The following VCAM1 variants were observed in gnomAD, a reference collection of about 807,000 sequenced individuals.
The protein encoded by VCAM1 is vascular cell adhesion molecule 1.
VCAM1 carries 41 observed loss-of-function variants against 63.8 expected under a neutral mutation model. The ratio of observed to expected loss-of-function variants is 0.64; its 90% CI spans 0.50 to 0.83. The LOEUF (loss-of-function observed/expected upper bound fraction) is 0.83, where lower values mean the gene tolerates loss of function less well. Among genes scored for constraint, VCAM1 ranks in the 40% least tolerant of loss-of-function variants. VCAM1 has a pLI of 0.00. For missense variants in VCAM1, 798 were observed against 875.5 expected (o/e 0.91, Z 1.12); for synonymous variants, 338 against 320.7 (o/e 1.05, Z -0.58).
intron 4 of VCAM1, among the ~76,000 whole-genome samples, chr1:100,727,115 A>G (rs1348455800): frequency 4.6e-5 from 7 of 151,654 alleles, no homozygotes; most frequent in Non-Finnish European, 1.5e-5. Context: ...CTAACACATA[A>G]TAAATGTTCA....
At position 100,720,703 on chromosome 1, in the gene VCAM1, A is replaced by G. The variant is rs1659927456; in HGVS notation, c.292A>G (p.Thr98Ala). 6.2e-7 allele frequency: 1 copy of G among 1,612,816 alleles called. No individual in the cohort carries two copies. The highest frequency in any genetic ancestry group is 1.1e-5 in the South Asian group (1 of 90,968). The stretch of plus-strand genomic sequence containing the variant: ...CGAACACTCTTACCTGTGCACAGCA[A>G]CTTGTGAATCTAGGAAATTGGAAAA... ...GNEHSYLCTATCESRKLEKGI... is the reference protein window; with the variant it reads ...GNEHSYLCTAACESRKLEKGI... The change falls in exon 2 of 9, where the codon ACT becomes GCT. Residue 98 changes from threonine to alanine, a missense_variant. By Grantham distance (58) the Thr-to-Ala change is moderately conservative. Coordinates refer to ENST00000294728, the MANE Select transcript of VCAM1 (RefSeq NM_001078.4).
rs545204409 is a variant in VCAM1 at position 100,731,463 on chromosome 1, T to A, written c.1470T>A (p.Asp490Glu). The change falls in exon 6 of 9, where the codon GAT becomes GAA. Residue 490 changes from aspartate to glutamate, a missense_variant. Transcript: ENST00000294728. This position sits in a 1 kb window ranked among gnomAD's most constrained non-coding sequence, Gnocchi z 4.2. ...ALVCQAKLHI[D>E]DMEFEPKQRQ... Reference sequence around the variant, plus strand: ...TTTGTCAGGCTAAGTTACATATTGATGACATGGAATTCGAACCCAAACAAA... The same window carrying A: ...TTTGTCAGGCTAAGTTACATATTGAAGACATGGAATTCGAACCCAAACAAA... 5.0e-6 allele frequency: 8 copies of A among 1,613,572 alleles called. No homozygotes were observed. The highest frequency in any genetic ancestry group is 6.8e-6 in the Non-Finnish European group (8 of 1,179,824).
At position 100,731,211 on chromosome 1, in the gene VCAM1, T is replaced by C; in HGVS notation, c.1218T>C (p.Asp406=). The change falls in exon 6 of 9, where the codon GAT becomes GAC. Residue 406 remains aspartate (D), a synonymous_variant. Coordinates refer to ENST00000294728, the MANE Select transcript of VCAM1 (RefSeq NM_001078.4). The surrounding 1 kb of genome is among the most constrained non-coding windows in gnomAD (Gnocchi z 4.2). ...TGCGATTTGCAGCATTCCCTAGAGA[T>C]CCAGAAATCGAGATGAGTGGTGGCC... ...IQVELYSFPR[D]PEIEMSGGLV... 2 of 1,602,438 alleles carry C rather than the reference T, an allele frequency of 1.2e-6. No homozygotes were observed. Among genetic ancestry groups the C allele is most frequent in the Middle Eastern group, 1.7e-4 (1 of 5,992 alleles).
In VCAM1 at chr1:100,738,458, T is replaced by C. The variant is rs971846346; in HGVS notation, c.*175T>C. The C allele has an allele frequency of 3.2e-6, 2 of 616,188 alleles. No homozygotes were observed. Among genetic ancestry groups the C allele is most frequent in the Non-Finnish European group, 5.2e-6 (2 of 387,004 alleles). The allele number at this position is 616,188 out of a possible 1,614,324, so 38.2% of individuals were successfully genotyped here. A position where few individuals can be genotyped will look rare whatever the true frequency, so the allele number is the denominator to read the frequency against. ...TGTGAGCAAGAAGTCAAAGTAAAACTTGCTGCCTGAAGAACAGTAACTGCC... is the reference window on the plus strand; with the variant it reads ...TGTGAGCAAGAAGTCAAAGTAAAACCTGCTGCCTGAAGAACAGTAACTGCC... On this transcript the variant is annotated 3_prime_UTR_variant, in exon 9 of 9. Transcript: ENST00000294728.
intron 1 of VCAM1, 57 bp from the exon 2 acceptor site, chr1:100,720,418 AG>A: frequency 1.3e-6 from 2 of 1,553,102 alleles, no homozygotes; most frequent in Non-Finnish European, 1.7e-6. Context: ...GAGAAGAAGG[AG>A]GAGAATACTA....
Position 100,719,794 on chromosome 1 carries a change from C to A in VCAM1, c.-67C>A. 6.5e-7 allele frequency: 1 copy of A among 1,542,508 alleles called. No homozygotes were observed. The highest frequency in any genetic ancestry group is 8.9e-7 in the Non-Finnish European group (1 of 1,124,768). On this transcript the variant is annotated 5_prime_UTR_variant, in exon 1 of 9. Transcript: ENST00000294728. ...TTCAGGAGCTGAATACCCTCCCAGG[C>A]ACACACAGGTGGGACACAAATAAGG...
In VCAM1 at chr1:100,732,601, A is replaced by C. The variant is rs1308634082; in HGVS notation, c.1709A>C (p.Lys570Thr). Residue 570 changes from lysine to threonine, a missense_variant, in exon 7 of 9, where the codon AAA becomes ACA. Coordinates refer to ENST00000294728, the MANE Select transcript of VCAM1 (RefSeq NM_001078.4). ...GCAACTCTCACCTTAATTTCTACAA[A>C]AATGGAAGATTCTGGGGTTTATTTA... is the stretch of plus-strand genomic sequence containing the variant. Reference protein sequence around the residue: ...ENATLTLISTKMEDSGVYLCE... With the variant: ...ENATLTLISTTMEDSGVYLCE... 1.2e-6 allele frequency: 2 copies of C among 1,613,338 alleles called. No individual in the cohort carries two copies. The highest frequency in any genetic ancestry group is 8.5e-7 in the Non-Finnish European group (1 of 1,179,702).
At chr1:100,730,605 T>C (rs1270049616) in intron 5 of VCAM1, among the ~76,000 whole-genome samples, 1 of 152,140 alleles carries the variant, frequency 6.6e-6, no homozygotes, top group African/African-American at 2.4e-5. Context: ...TCTTATTTGA[T>C]ACTGAGAGAC....
chr1:100,734,356 T>C (rs1364659542), intron 7 of VCAM1, 146 bp from the exon 8 acceptor site: 2 of 837,304 alleles, frequency 2.4e-6, no homozygotes, highest in African/African-American at 3.4e-5. Context: ...CAGCAATGCT[T>C]GACTTCTTTA....
In VCAM1 at chr1:100,730,372, G is replaced by C. The variant is rs535724179; in HGVS notation, c.1205-826G>C. Among the ~76,000 whole-genome samples the C allele has an allele frequency of 3.3e-5, 5 of 152,198 alleles. No individual in the cohort carries two copies. The South Asian group carries it at 8.3e-4, about 25-fold the overall frequency. ...GTCTTATTGCAACATAGAAATATTT[G>C]AGCATGTATCACTTTAACAACATTT... On this transcript the variant is annotated intron_variant, in intron 5 of 8. Transcript: ENST00000294728.
At chr1:100,732,273 G>A in intron 6 of VCAM1, 145 bp from the exon 7 acceptor site, 1 of 805,086 alleles carries the variant, frequency 1.2e-6, no homozygotes. Flanking sequence ...AAGTAAATGA[G>A]GACCAAAACC....
rs761969324 is a variant in VCAM1 at position 100,731,565 on chromosome 1, T to A, written c.1525+47T>A. ...CTACAGTTTAATACCTGTCTCTTTA[T>A]CGTGTTTGCCAGGCAATAGTTAACA... On this transcript the variant is annotated intron_variant, in intron 6 of 8. Transcript: ENST00000294728. This position sits in a 1 kb window ranked among gnomAD's most constrained non-coding sequence, Gnocchi z 4.2. 11 of 1,524,612 alleles carry A rather than the reference T, an allele frequency of 7.2e-6. No homozygotes were observed. Among genetic ancestry groups the A allele is most frequent in the Middle Eastern group, 3.5e-4 (2 of 5,742 alleles). The allele number at this position is 1,524,612 out of a possible 1,614,324, so 94.4% of individuals were successfully genotyped here.
At chr1:100,722,958 G>A in intron 2 of VCAM1, 62 bp from the exon 3 acceptor site, 1 of 1,504,070 alleles carries the variant, frequency 6.6e-7, no homozygotes, top group Non-Finnish European at 8.9e-7. Context: ...GTGTTAAAGT[G>A]GTAAGAGACC....
At chr1:100,732,386 G>A (rs182428320) in intron 6 of VCAM1, 32 bp from the exon 7 acceptor site, 2 of 1,514,790 alleles carry the variant, frequency 1.3e-6, no homozygotes, top group Non-Finnish European at 1.8e-6. Context: ...GGGCATAATA[G>A]GTCAAGCTAA....
rs1015061139 is a variant in VCAM1 at position 100,737,087 on chromosome 1, G to A, written c.2060-1036G>A. 4.6e-5 allele frequency: 7 copies of A among 152,110 alleles called. No homozygotes were observed. In the East Asian group the frequency reaches 1.3e-3, roughly 29 times the overall value. The allele number at this position is 152,110 out of a possible 1,614,324, so 9.4% of individuals were successfully genotyped here. On this transcript the variant is annotated intron_variant, in intron 8 of 8. Coordinates refer to ENST00000294728, the MANE Select transcript of VCAM1 (RefSeq NM_001078.4). The stretch of plus-strand genomic sequence containing the variant: ...ATAGCAGCTGTCAGATGATTTTTTA[G>A]CAGATTAGAAAGAATACTAATTTTA...
chr1:100,721,377 A>C (rs540142940), intron 2 of VCAM1, among the ~76,000 whole-genome samples: 1 of 152,112 alleles, frequency 6.6e-6, no homozygotes, highest in Admixed American at 6.6e-5. Context: ...TTATATAATG[A>C]ACTAGATTTG....
At chr1:100,729,409 G>GTTTTTT in intron 5 of VCAM1, 27 bp downstream of exon 5, 1 of 1,298,074 alleles carries the variant, frequency 7.7e-7, no homozygotes, top group Non-Finnish European at 1.0e-6. Context: ...ATTGTTTACT[G>GTTTTTT]TTTTTTTTTT....
intron 5 of VCAM1, among the ~76,000 whole-genome samples, chr1:100,729,593 A>T (rs1396816671): frequency 6.6e-6 from 1 of 152,088 alleles, no homozygotes; most frequent in Non-Finnish European, 1.5e-5. Flanking sequence ...CAGCACCCAC[A>T]ATCCTTGGTT....
intron 7 of VCAM1, among the ~76,000 whole-genome samples, 185 bp downstream of exon 7, chr1:100,732,869 C>T (rs1385745736): frequency 6.6e-6 from 1 of 152,148 alleles, no homozygotes; most frequent in African/African-American, 2.4e-5. Context: ...TGAATTGTTA[C>T]AAGTTTCTTA....
Sources: gnomAD v4.1 joint callset for allele counts (sites outside exome capture counted in the v4.1 genomes callset) on GRCh38, gnomAD v4.1.1 for gene constraint, Gnocchi (gnomAD v3.1) non-coding constraint, MANE v1.5 for transcripts, NCBI Gene and HGNC (gene_info 2026-07-23, HGNC 2026-07-21) for gene names.